Variants in NUBPL observed in about 807,000 individuals in gnomAD.
NUBPL encodes NUBP iron-sulfur cluster assembly factor, mitochondrial.
Under a neutral mutation model 45.7 loss-of-function variants are expected in NUBPL, and 31 were observed. The ratio of observed to expected loss-of-function variants is 0.68; its 90% CI spans 0.51 to 0.92. The LOEUF is 0.92. Among genes scored for constraint, NUBPL ranks in the 40% least tolerant of loss-of-function variants. NUBPL has a pLI of 0.00. For missense variants in NUBPL, 401 were observed against 398.7 expected (o/e 1.01, Z -0.05); for synonymous variants, 144 against 140.9 (o/e 1.02, Z -0.15).
chr14:31,789,994 C>T (rs1429454229), intron 7 of NUBPL, among the ~76,000 whole-genome samples: 1 of 148,764 alleles, frequency 6.7e-6, no homozygotes, highest in Admixed American at 6.7e-5. Context: ...ACCAAATGTT[C>T]ATTTTAAAAA....
At chr14:31,693,627 G>T (rs2037139973) in intron 6 of NUBPL, among the ~76,000 whole-genome samples, 1 of 151,880 alleles carries the variant, frequency 6.6e-6, no homozygotes, top group South Asian at 2.1e-4. Context: ...TATTGTTATT[G>T]TCAGTTTGGG....
Position 31,846,598 on chromosome 14 carries a change from C to T in NUBPL, c.814+7C>T. 7 of 1,613,246 alleles carry T rather than the reference C, an allele frequency of 4.3e-6. No homozygotes were observed. The highest frequency in any genetic ancestry group is 1.1e-5 in the South Asian group (1 of 90,944). ...CTTGGTCTTGAAGTTCTAGGTAAGA[C>T]TGTGGGATGTTCTTTTGTAGAAGAA... On this transcript the variant is annotated splice_region_variant and intron_variant, in intron 9 of 10. Coordinates refer to ENST00000281081, the MANE Select transcript of NUBPL (RefSeq NM_025152.3).
At chr14:31,765,970 C>G (rs10150831) in intron 6 of NUBPL, among the ~76,000 whole-genome samples, 24,282 of 152,106 alleles carry the variant, frequency 0.16, 5,524 homozygotes, top group African/African-American at 0.51. Flanking sequence ...TTAGGTAAAA[C>G]TCACTAGTTT....
chr14:31,745,150 C>G (rs540070615), intron 6 of NUBPL, among the ~76,000 whole-genome samples: 47 of 152,052 alleles, frequency 3.1e-4, no homozygotes, highest in Non-Finnish European at 5.6e-4. Flanking sequence ...GTGCTGCACC[C>G]ATTAACTCGT....
At chr14:31,636,344 A>T (rs1422186754) in intron 4 of NUBPL, among the ~76,000 whole-genome samples, 1 of 152,098 alleles carries the variant, frequency 6.6e-6, no homozygotes, top group African/African-American at 2.4e-5. Flanking sequence ...ATCTATTGAG[A>T]TAATCATGTG....
intron 6 of NUBPL, among the ~76,000 whole-genome samples, chr14:31,734,733 T>C (rs917982392): frequency 1.1e-4 from 16 of 140,860 alleles, no homozygotes; most frequent in South Asian, 2.3e-4. Context: ...TATTGTATAG[T>C]ATTTATAATC....
chr14:31,705,619 G>T (rs970007057), intron 6 of NUBPL, among the ~76,000 whole-genome samples: 4 of 151,682 alleles, frequency 2.6e-5, no homozygotes, highest in Middle Eastern at 3.4e-3. Context: ...GTGCTGATTG[G>T]TGCGTTTACA....
intron 3 of NUBPL, among the ~76,000 whole-genome samples, chr14:31,595,322 G>A (rs2034254448): frequency 6.6e-6 from 1 of 152,120 alleles, no homozygotes; most frequent in Non-Finnish European, 1.5e-5. Context: ...AGGAGAGTCA[G>A]AAAAAGAGTA....
At chr14:31,591,384 A>T (rs1206095092) in intron 3 of NUBPL, among the ~76,000 whole-genome samples, 1 of 150,738 alleles carries the variant, frequency 6.6e-6, no homozygotes, top group Non-Finnish European at 1.5e-5. Context: ...CTGCTCTTGA[A>T]CTCCTGACCT....
At chr14:31,800,698 A>AT (rs1332288759) in intron 7 of NUBPL, among the ~76,000 whole-genome samples, 1 of 152,076 alleles carries the variant, frequency 6.6e-6, no homozygotes, top group Non-Finnish European at 1.5e-5. Flanking sequence ...TGTGTTAAAT[A>AT]TTTTTCCTTC....
At chr14:31,731,342 G>C (rs1024428790) in intron 6 of NUBPL, among the ~76,000 whole-genome samples, 10 of 152,160 alleles carry the variant, frequency 6.6e-5, no homozygotes, top group African/African-American at 1.9e-4. Flanking sequence ...AATCCAGAGA[G>C]CCAGCTTGAA....
At chr14:31,564,810 T>C (rs1245506835) in intron 2 of NUBPL, among the ~76,000 whole-genome samples, 6 of 152,172 alleles carry the variant, frequency 3.9e-5, no homozygotes, top group Admixed American at 2.0e-4. Context: ...CTTTTTTACT[T>C]TTCTTTTTAC....
chr14:31,729,641 G>T (rs924543770), intron 6 of NUBPL, among the ~76,000 whole-genome samples: 1 of 151,908 alleles, frequency 6.6e-6, no homozygotes, highest in Non-Finnish European at 1.5e-5. Flanking sequence ...CTAGGAACTT[G>T]ATTTTTATGT....
At chr14:31,855,512 A>C (rs1309125819) in intron 10 of NUBPL, among the ~76,000 whole-genome samples, 2 of 152,178 alleles carry the variant, frequency 1.3e-5, no homozygotes, top group African/African-American at 4.8e-5. Flanking sequence ...TCATCATCCA[A>C]GTTAAGCTGA....
At chr14:31,772,774 A>C (rs2039030880) in intron 6 of NUBPL, among the ~76,000 whole-genome samples, 1 of 152,134 alleles carries the variant, frequency 6.6e-6, no homozygotes, top group Non-Finnish European at 1.5e-5. Context: ...GAAAAGGAGT[A>C]AGTTTCTTCT....
At chr14:31,803,219 T>A (rs772886481) in intron 7 of NUBPL, among the ~76,000 whole-genome samples, 6 of 152,212 alleles carry the variant, frequency 3.9e-5, no homozygotes, top group Non-Finnish European at 7.3e-5. Context: ...TCCTTGATTG[T>A]TTGGCATTTA....
chr14:31,823,443 A>C (rs1401356905), intron 7 of NUBPL, among the ~76,000 whole-genome samples: 1 of 152,128 alleles, frequency 6.6e-6, no homozygotes, highest in East Asian at 1.9e-4. Flanking sequence ...AATGCAGTAG[A>C]GAACACCCTA....
At position 31,787,787 on chromosome 14, in the gene NUBPL, G is replaced by A; in HGVS notation, c.521G>A (p.Trp174Ter). 2 of 1,606,864 alleles carry A rather than the reference G, an allele frequency of 1.2e-6. No homozygotes were observed. Among genetic ancestry groups the A allele is most frequent in the Non-Finnish European group, 1.7e-6 (2 of 1,173,556 alleles). The change falls in exon 7 of 11, where the codon TGG (tryptophan) becomes TAG (stop). Residue 174 changes from tryptophan (W) to a stop codon, truncating the protein, a stop_gained. Transcript: ENST00000281081. LOFTEE classifies it high-confidence loss of function. ...TCTATGTCATCTTTTTAGGTAGATTGGGGTCAACTGGACTACTTAGTTGTA... is the reference window on the plus strand; with the variant it reads ...TCTATGTCATCTTTTTAGGTAGATTAGGGTCAACTGGACTACTTAGTTGTA... ...AIEKLLRQVD[W>*]GQLDYLVVDM...
intron 4 of NUBPL, among the ~76,000 whole-genome samples, chr14:31,600,118 C>T (rs192208336): frequency 1.8e-4 from 28 of 151,916 alleles, no homozygotes; most frequent in Admixed American, 9.8e-4. Context: ...GATGGGGTTT[C>T]GCCATGTTGG....
Sources: gnomAD v4.1 joint callset for allele counts (sites outside exome capture counted in the v4.1 genomes callset) on GRCh38, gnomAD v4.1.1 for gene constraint, MANE v1.5 for transcripts, NCBI Gene and HGNC (gene_info 2026-07-23, HGNC 2026-07-21) for gene names.